TMEM132D: variants seen among roughly 807,000 people sequenced by gnomAD.
TMEM132D encodes the protein mature OL transmembrane protein.
Under a neutral mutation model 62.3 loss-of-function variants are expected in TMEM132D, and 21 were observed. That is an observed-to-expected ratio of 0.34 (90% CI 0.24 to 0.49). The LOEUF (loss-of-function observed/expected upper bound fraction) is 0.49, where lower values mean the gene tolerates loss of function less well. Among genes scored for constraint, TMEM132D ranks in the 20% least tolerant of loss-of-function variants. The probability of loss-of-function intolerance (pLI) is 0.99; values close to 1 mark genes in which losing one functional copy is unlikely to be tolerated. For synonymous variants in TMEM132D, 621 were observed against 575.6 expected (o/e 1.08, Z -1.13); for missense variants, 1,346 against 1,402.8 (o/e 0.96, Z 0.65).
chr12:129,208,616 A>T (rs1419860794), intron 5 of TMEM132D: 1 of 152,182 alleles, frequency 6.6e-6, no homozygotes, highest in African/African-American at 2.4e-5. Flanking sequence ...CTGTCCGGGA[A>T]TTGTCCTGTG....
At chr12:129,260,329 C>T (rs12814678) in intron 4 of TMEM132D, among the ~76,000 whole-genome samples, 5,025 of 152,192 alleles carry the variant, frequency 0.033, 123 homozygotes, top group South Asian at 0.06. Flanking sequence ...CCACTTCCTT[C>T]GGCACCCTGG....
chr12:129,596,652 TTG>T (rs1878344966), intron 2 of TMEM132D, among the ~76,000 whole-genome samples: 1 of 152,208 alleles, frequency 6.6e-6, no homozygotes, highest in Non-Finnish European at 1.5e-5. Context: ...ATATAAATCA[TTG>T]TTATATTGTA....
At chr12:129,838,214 T>G (rs912879494) in intron 1 of TMEM132D, among the ~76,000 whole-genome samples, 2 of 152,184 alleles carry the variant, frequency 1.3e-5, no homozygotes, top group Non-Finnish European at 2.9e-5. Context: ...ACTCAGAATG[T>G]CCACACTGTC....
chr12:129,074,687 G>GT lies in TMEM132D; in HGVS notation c.2487dup (p.Pro830ThrfsTer45). 6.2e-7 allele frequency: 1 copy of GT among 1,614,066 alleles called. No individual in the cohort carries two copies. The highest frequency in any genetic ancestry group is 8.5e-7 in the Non-Finnish European group (1 of 1,180,020). On this transcript the variant is annotated frameshift_variant, in exon 9 of 9. Coordinates refer to ENST00000422113, the MANE Select transcript of TMEM132D (RefSeq NM_133448.3). LOFTEE classifies it low-confidence loss of function (END_TRUNC). ...TCCTGACTCCCCCATTCCTGCGAGG[G>GT]TTTTTTGGGCCTTCTGTCACTGACA... is the stretch of plus-strand genomic sequence containing the variant.
At chr12:129,571,975 G>A (rs186251143) in intron 2 of TMEM132D, among the ~76,000 whole-genome samples, 1 of 152,318 alleles carries the variant, frequency 6.6e-6, no homozygotes, top group African/African-American at 2.4e-5. Context: ...CACGCACCAT[G>A]AAAAGCAGCA....
chr12:129,393,378 T>C (rs1871341536), intron 3 of TMEM132D, among the ~76,000 whole-genome samples: 1 of 152,240 alleles, frequency 6.6e-6, no homozygotes, highest in Non-Finnish European at 1.5e-5. Context: ...GGGGGGCAAC[T>C]GGTTTAATGG....
At chr12:129,806,635 T>C (rs1184645022) in intron 1 of TMEM132D, among the ~76,000 whole-genome samples, 1 of 151,432 alleles carries the variant, frequency 6.6e-6, no homozygotes, top group East Asian at 1.9e-4. Flanking sequence ...ATGGCACATG[T>C]ATACATATGT....
chr12:129,372,921 A>T (rs552670277), intron 3 of TMEM132D, among the ~76,000 whole-genome samples: 1 of 152,302 alleles, frequency 6.6e-6, no homozygotes, highest in South Asian at 2.1e-4. Flanking sequence ...GTCTGTGGAA[A>T]AATTGTCTTC....
chr12:129,451,663 G>A (rs1873290734), intron 3 of TMEM132D, among the ~76,000 whole-genome samples: 1 of 152,188 alleles, frequency 6.6e-6, no homozygotes, highest in Non-Finnish European at 1.5e-5. Context: ...ACAGAGGCAT[G>A]CCCAAATTGA....
intron 1 of TMEM132D, among the ~76,000 whole-genome samples, chr12:129,762,061 A>C (rs573256038): frequency 5.3e-5 from 8 of 152,300 alleles, no homozygotes; most frequent in East Asian, 3.9e-4. Context: ...ATGAAGAAGA[A>C]GACTAGGACA....
At chr12:129,888,919 T>C (rs1874832139) in intron 1 of TMEM132D, among the ~76,000 whole-genome samples, 2 of 152,244 alleles carry the variant, frequency 1.3e-5, no homozygotes, top group African/African-American at 4.8e-5. Context: ...CCAGTCATCA[T>C]AACTAGCCCA....
At chr12:129,160,645 C>A (rs1438759168) in intron 5 of TMEM132D, among the ~76,000 whole-genome samples, 1 of 152,172 alleles carries the variant, frequency 6.6e-6, no homozygotes, top group African/African-American at 2.4e-5. Flanking sequence ...TTACAAGAGC[C>A]AACAATTTCC....
intron 2 of TMEM132D, among the ~76,000 whole-genome samples, chr12:129,567,554 C>G (rs1285775743): frequency 6.6e-6 from 1 of 152,140 alleles, no homozygotes; most frequent in East Asian, 1.9e-4. Flanking sequence ...AACATTATTG[C>G]TACAGAGTGG....
intron 5 of TMEM132D, among the ~76,000 whole-genome samples, chr12:129,180,510 A>C (rs1878035776): frequency 1.3e-5 from 2 of 152,326 alleles, no homozygotes; most frequent in Admixed American, 1.3e-4. Flanking sequence ...GGTTCTAGCC[A>C]TCAAGAATAT....
chr12:129,625,006 A>G (rs958732216), intron 2 of TMEM132D, among the ~76,000 whole-genome samples: 2 of 152,192 alleles, frequency 1.3e-5, no homozygotes, highest in African/African-American at 4.8e-5. Flanking sequence ...ACAACACTCA[A>G]CATTATTGCT....
rs1307940977 is a variant in TMEM132D at position 129,426,732 on chromosome 12, C to T, written c.1116-88915G>A. On this transcript the variant is annotated intron_variant, in intron 3 of 8. Coordinates refer to ENST00000422113, the MANE Select transcript of TMEM132D (RefSeq NM_133448.3). ...TATATATATTAACTACATTTAAATC[C>T]CACAACAATCACAGGAGGGAAGGAT... Among the ~76,000 whole-genome samples, 4 of 152,136 alleles carry T rather than the reference C, an allele frequency of 2.6e-5. No homozygotes were observed. In the East Asian group the frequency reaches 7.7e-4, roughly 29 times the overall value.
At chr12:129,595,099 A>C (rs1878299392) in intron 2 of TMEM132D, among the ~76,000 whole-genome samples, 1 of 152,226 alleles carries the variant, frequency 6.6e-6, no homozygotes, top group African/African-American at 2.4e-5. Context: ...TAGAAACCTG[A>C]TCTCCTCATT....
At chr12:129,694,998 A>T (rs948380729) in intron 2 of TMEM132D, among the ~76,000 whole-genome samples, 4 of 152,018 alleles carry the variant, frequency 2.6e-5, no homozygotes, top group African/African-American at 9.7e-5. Context: ...ACAGAGTGAG[A>T]CTCCGTCTCA....
At chr12:129,704,424 G>A (rs1014681376) in intron 1 of TMEM132D, among the ~76,000 whole-genome samples, 3 of 152,212 alleles carry the variant, frequency 2.0e-5, no homozygotes, top group Admixed American at 6.5e-5. Flanking sequence ...CATAGGGGGC[G>A]CCGCGCTGCA....
Sources: allele counts gnomAD v4.1 joint callset (sites outside exome capture counted in the v4.1 genomes callset), GRCh38; gene constraint gnomAD v4.1.1; transcripts MANE v1.5; gene names NCBI Gene and HGNC (gene_info 2026-07-23, HGNC 2026-07-21).